RIPOR1: variants seen among roughly 807,000 people sequenced by gnomAD.
The protein encoded by RIPOR1 is RHO family interacting cell polarization regulator 1.
Under a neutral mutation model 116.5 loss-of-function variants are expected in RIPOR1, and 58 were observed. That is an observed-to-expected ratio of 0.50 (90% CI 0.40 to 0.62). The LOEUF (loss-of-function observed/expected upper bound fraction) is 0.62, where lower values mean the gene tolerates loss of function less well. Ranked by LOEUF, RIPOR1 falls within the 20% of genes least tolerant of loss-of-function variation. The probability of loss-of-function intolerance (pLI) is 0.00; values close to 1 mark genes in which losing one functional copy is unlikely to be tolerated. For missense variants in RIPOR1, 1,372 were observed against 1,586.2 expected, an observed-to-expected ratio of 0.86 and a Z score of 2.29; for synonymous variants, 605 against 650.0, an observed-to-expected ratio of 0.93 and a Z score of 1.05.
chr16:67,539,959 G>A (rs1232851597), intron 6 of RIPOR1, 60 bp downstream of exon 6: 2 of 1,613,704 alleles, frequency 1.2e-6, no homozygotes, highest in Admixed American at 3.3e-5. Context: ...GGGAGAAGAG[G>A]GGTGGTGCCA....
rs1249886340 is a variant in RIPOR1 at position 67,538,418 on chromosome 16, C to T, written c.-23-6C>T. On this transcript the variant is annotated splice_region_variant and splice_polypyrimidine_tract_variant and intron_variant, in intron 1 of 21. Transcript: ENST00000042381. ...TGGTACTGGACACCCCCCCGATCAC[C>T]CGCAGGGAGCCCCGCGCGGACTCAC... The T allele has an allele frequency of 1.9e-6, 3 of 1,570,094 alleles. No individual in the cohort carries two copies. The highest frequency in any genetic ancestry group is 1.4e-5 in the African/African-American group (1 of 73,814).
At chr16:67,534,534 A>G (rs1292386589) in intron 1 of RIPOR1, among the ~76,000 whole-genome samples, 1 of 152,240 alleles carries the variant, frequency 6.6e-6, no homozygotes, top group Non-Finnish European at 1.5e-5. Flanking sequence ...ACACTCATAT[A>G]GAATCAGGAA....
rs1426115943 is a variant in RIPOR1, at chr16:67,537,390, C to T, written c.-23-1034C>T. 4.9e-6 allele frequency: 6 copies of T among 1,230,724 alleles called. No homozygotes were observed. The highest frequency in any genetic ancestry group is 6.1e-6 in the Non-Finnish European group (6 of 986,822). 76.2% of individuals were successfully genotyped at this position (1,230,724 alleles called of 1,614,324 possible). On this transcript the variant is annotated intron_variant, in intron 1 of 21. Transcript: ENST00000042381. This position sits in a 1 kb window ranked among gnomAD's most constrained non-coding sequence, Gnocchi z 4.6. Reference sequence around the variant, plus strand: ...CCCTCCCCGAGGGGAACCCCAGTCACCGGTCCCGCCCCATCCAGGCGGGCT... The same window carrying T: ...CCCTCCCCGAGGGGAACCCCAGTCATCGGTCCCGCCCCATCCAGGCGGGCT...
Position 67,543,164 on chromosome 16 carries a change from C to A in RIPOR1, c.2378C>A (p.Ala793Glu), listed in dbSNP as rs1199004757. 1 of 1,537,836 alleles carries A rather than the reference C, an allele frequency of 6.5e-7. No homozygotes were observed. Among genetic ancestry groups the A allele is most frequent in the Non-Finnish European group, 8.7e-7 (1 of 1,142,916 alleles). ...GGSGDRSLEE[A>E]LGALMAALDD... Reference sequence around the variant, plus strand: ...TCTGGGGACAGGAGCCTGGAGGAGGCACTGGGGGCCCTAATGGCTGCCCTG... The same window carrying A: ...TCTGGGGACAGGAGCCTGGAGGAGGAACTGGGGGCCCTAATGGCTGCCCTG... Residue 793 changes from alanine (A) to glutamate (E), a missense_variant, in exon 13 of 22, where the codon GCA becomes GAA. Ala to Glu is a moderately radical substitution (Grantham distance 107). This residue lies in a region of RIPOR1 where 1,005 missense variants were observed against 1,144.7 expected (regional missense o/e 0.88). Coordinates refer to ENST00000042381, the MANE Select transcript of RIPOR1 (RefSeq NM_024519.4). This position sits in a 1 kb window ranked among gnomAD's most constrained non-coding sequence, Gnocchi z 4.7.
intron 2 of RIPOR1, 39 bp downstream of exon 2, chr16:67,538,589 C>T: frequency 6.2e-7 from 1 of 1,608,746 alleles, no homozygotes; most frequent in Non-Finnish European, 8.5e-7. Context: ...CAAAGGGCGT[C>T]AGATGGGGCT....
At position 67,537,916 on chromosome 16, in the gene RIPOR1, C is replaced by A. The variant is rs2050842976; in HGVS notation, c.-23-508C>A. On this transcript the variant is annotated intron_variant, in intron 1 of 21. Transcript: ENST00000042381. The surrounding 1 kb of genome is among the most constrained non-coding windows in gnomAD (Gnocchi z 4.6). ...TGGCAGGCGGGGGGCGGGCGACAAA[C>A]CCGCACCGGCTGGGCCTGTCGGGCA... is the stretch of plus-strand genomic sequence containing the variant. Among the ~76,000 whole-genome samples, 1 of 151,984 alleles carries A rather than the reference C, an allele frequency of 6.6e-6. No homozygotes were observed. Among genetic ancestry groups the A allele is most frequent in the South Asian group, 2.1e-4 (1 of 4,824 alleles).
At chr16:67,539,994 G>T in intron 6 of RIPOR1, 59 bp from the exon 7 acceptor site, 1 of 1,613,448 alleles carries the variant, frequency 6.2e-7, no homozygotes, top group South Asian at 1.1e-5. Flanking sequence ...AACCTTAGAG[G>T]TGAGTAACCC....
rs528802232 is a variant in RIPOR1, at chr16:67,543,731, C to T, written c.2600+262C>T. On this transcript the variant is annotated intron_variant, in intron 14 of 21. Transcript: ENST00000042381. This position sits in a 1 kb window ranked among gnomAD's most constrained non-coding sequence, Gnocchi z 4.7. ...CTCTTCATCTCTGCAATGTCTGCCT[C>T]CCCTGCCGGTCCCCATCAGCTTGGG... The T allele has an allele frequency of 1.5e-4, 80 of 543,042 alleles. No homozygotes were observed. The highest frequency in any genetic ancestry group is 2.0e-4 in the Non-Finnish European group (62 of 302,614). The allele number at this position is 543,042 out of a possible 1,614,324, so 33.6% of individuals were successfully genotyped here.
At chr16:67,522,701 C>T (rs898945754) in intron 1 of RIPOR1, among the ~76,000 whole-genome samples, 13 of 151,932 alleles carry the variant, frequency 8.6e-5, no homozygotes, top group Admixed American at 2.0e-4. Context: ...CCCTACCCCG[C>T]CCTCACCCCA....
upstream of RIPOR1, among the ~76,000 whole-genome samples, chr16:67,524,211 T>C (rs1269915129): frequency 6.6e-6 from 1 of 152,242 alleles, no homozygotes; most frequent in African/African-American, 2.4e-5. Context: ...AGGAGAAGCC[T>C]GATGACAGTG....
intron 4 of RIPOR1, 138 bp downstream of exon 4, chr16:67,539,206 C>T: frequency 1.4e-6 from 1 of 721,054 alleles, no homozygotes; most frequent in Non-Finnish European, 2.3e-6. Flanking sequence ...TCAGGAAAGG[C>T]TGAGGGGCTT....
At position 67,545,496 on chromosome 16, in the gene RIPOR1, C is replaced by T; in HGVS notation, c.3152C>T (p.Pro1051Leu). Residue 1051 changes from proline to leucine, a missense_variant, in exon 18 of 22, where the codon CCC (proline) becomes CTC (leucine). Around this residue, in one of 3 missense-constraint regions of RIPOR1, gnomAD observed 1,005 missense variants for 1,144.7 expected, o/e 0.88. Transcript: ENST00000042381. The surrounding 1 kb of genome is among the most constrained non-coding windows in gnomAD (Gnocchi z 4.8). ...FWSFVETLDS[P>L]TMEAYVTETA... Reference sequence around the variant, plus strand: ...AGTTTTGTGGAAACCTTGGACAGCCCCACCATGGAGGCCTACGTGACTGAG... The same window carrying T: ...AGTTTTGTGGAAACCTTGGACAGCCTCACCATGGAGGCCTACGTGACTGAG... 6.2e-7 allele frequency: 1 copy of T among 1,614,020 alleles called. No homozygotes were observed.
intron 1 of RIPOR1, among the ~76,000 whole-genome samples, chr16:67,521,385 C>T (rs1449371057): frequency 6.6e-6 from 1 of 152,206 alleles, no homozygotes; most frequent in Admixed American, 6.5e-5. Flanking sequence ...CCTACCACCA[C>T]ACCCTCCAAA....
Position 67,544,189 on chromosome 16 carries a change from G to A in RIPOR1, c.2601-110G>A, listed in dbSNP as rs548910374. On this transcript the variant is annotated intron_variant, in intron 14 of 21. Transcript: ENST00000042381. This position sits in a 1 kb window ranked among gnomAD's most constrained non-coding sequence, Gnocchi z 5.1. ...TGAACTTACCCCACTGTCTGCTGTC[G>A]GTGCATCATCTTCTTCCTTTCTGGC... The A allele has an allele frequency of 3.8e-5, 52 of 1,384,468 alleles. 2 individuals are homozygous for A. The South Asian group carries it at 4.2e-4, about 11-fold the overall frequency. 85.8% of individuals were successfully genotyped at this position (1,384,468 alleles called of 1,614,324 possible).
chr16:67,538,161 C>A (rs1030343338), intron 1 of RIPOR1: 1 of 379,886 alleles, frequency 2.6e-6, no homozygotes, highest in Admixed American at 4.5e-5. Context: ...GCGCGACCCC[C>A]CTTCCTGCCC....
At position 67,541,775 on chromosome 16, in the gene RIPOR1, CT is replaced by C; in HGVS notation, c.1076del (p.Phe359SerfsTer90). The C allele has an allele frequency of 6.2e-7, 1 of 1,614,078 alleles. No individual in the cohort carries two copies. Among genetic ancestry groups the C allele is most frequent in the Non-Finnish European group, 8.5e-7 (1 of 1,179,982 alleles). On this transcript the variant is annotated frameshift_variant, in exon 12 of 22. Transcript: ENST00000042381. LOFTEE classifies it high-confidence loss of function. The surrounding 1 kb of genome is among the most constrained non-coding windows in gnomAD (Gnocchi z 4.6). ...GACACACCCTCACTTCGGGAACAGGCTTTCTATGTGAGTCATAGCCCAGGTC... is the reference window on the plus strand; with the variant it reads ...GACACACCCTCACTTCGGGAACAGGCTTCTATGTGAGTCATAGCCCAGGTC... ...PPDTPSLREQ[A>X]FYNMLRRQEE...
Position 67,540,383 on chromosome 16 carries a change from G to A in RIPOR1, c.631+20G>A. The A allele has an allele frequency of 6.2e-7, 1 of 1,614,204 alleles. No homozygotes were observed. The highest frequency in any genetic ancestry group is 8.5e-7 in the Non-Finnish European group (1 of 1,180,024). Reference sequence around the variant, plus strand: ...TGAAAGGTACTGAGTTGTGGGGGCAGGTGGGGGGCTGGAGGGAGTATGCTG... The same window carrying A: ...TGAAAGGTACTGAGTTGTGGGGGCAAGTGGGGGGCTGGAGGGAGTATGCTG... On this transcript the variant is annotated intron_variant, in intron 8 of 21. Transcript: ENST00000042381. This position sits in a 1 kb window ranked among gnomAD's most constrained non-coding sequence, Gnocchi z 4.7.
intron 1 of RIPOR1, among the ~76,000 whole-genome samples, chr16:67,533,965 G>A (rs1296647958): frequency 1.4e-5 from 2 of 147,892 alleles, no homozygotes; most frequent in East Asian, 2.0e-4. Flanking sequence ...GCGCCACCAC[G>A]CCCGGCTAAT....
At position 67,542,948 on chromosome 16, in the gene RIPOR1, C is replaced by G; in HGVS notation, c.2162C>G (p.Ala721Gly). 1.3e-6 allele frequency: 2 copies of G among 1,587,424 alleles called. No homozygotes were observed. The highest frequency in any genetic ancestry group is 1.3e-5 in the African/African-American group (1 of 74,446). ...SNSYTQADPM[A>G]PRTPHPSPAH... ...TCCTACACTCAGGCAGACCCTATGGCCCCCAGAACTCCCCACCCAAGTCCT... is the reference window on the plus strand; with the variant it reads ...TCCTACACTCAGGCAGACCCTATGGGCCCCAGAACTCCCCACCCAAGTCCT... The change falls in exon 13 of 22, where the codon GCC (alanine) becomes GGC (glycine). Residue 721 changes from alanine (A) to glycine (G), a missense_variant. Transcript: ENST00000042381. This position sits in a 1 kb window ranked among gnomAD's most constrained non-coding sequence, Gnocchi z 4.6.
Sources: allele counts gnomAD v4.1 joint callset (sites outside exome capture counted in the v4.1 genomes callset), GRCh38; gene constraint gnomAD v4.1.1; regional missense constraint gnomAD v4.1.1; non-coding constraint Gnocchi (gnomAD v3.1); transcripts MANE v1.5; gene names NCBI Gene and HGNC (gene_info 2026-07-23, HGNC 2026-07-21).